The following NECTIN2 variants were observed in gnomAD, a reference collection of about 807,000 sequenced individuals.
NECTIN2 encodes the protein nectin cell adhesion molecule 2.
In NECTIN2, 23 loss-of-function variants were observed where a neutral mutation model predicts 56.9. That is an observed-to-expected ratio of 0.40 (90% CI 0.29 to 0.57). The LOEUF (loss-of-function observed/expected upper bound fraction) is 0.57. Ranked by LOEUF, NECTIN2 falls within the 20% of genes least tolerant of loss-of-function variation. The probability of loss-of-function intolerance (pLI) is 0.38; values close to 1 mark genes in which losing one functional copy is unlikely to be tolerated. For missense variants in NECTIN2, 587 were observed against 718.3 expected, an observed-to-expected ratio of 0.82 and a Z score of 2.09; for synonymous variants, 302 against 313.8, an observed-to-expected ratio of 0.96 and a Z score of 0.40.
At chr19:44,859,046 G>A (rs1364863265) in intron 1 of NECTIN2, among the ~76,000 whole-genome samples, 3 of 152,152 alleles carry the variant, frequency 2.0e-5, no homozygotes, top group African/African-American at 4.8e-5. Context: ...GCCTTCCACC[G>A]GGGACCCCTC....
chr19:44,884,426 A>G (rs1000829473), intron 6 of NECTIN2, among the ~76,000 whole-genome samples: 2 of 152,134 alleles, frequency 1.3e-5, no homozygotes, highest in Non-Finnish European at 2.9e-5. Flanking sequence ...AAGTGCTCGG[A>G]TTACAGGCGT....
At chr19:44,863,612 G>T (rs527575979) in intron 1 of NECTIN2, among the ~76,000 whole-genome samples, 98 of 151,860 alleles carry the variant, frequency 6.5e-4, no homozygotes, top group African/African-American at 2.4e-3. Context: ...TAGGGCCAAG[G>T]GGGGAGCTGA....
intron 1 of NECTIN2, among the ~76,000 whole-genome samples, chr19:44,848,586 G>C (rs1968863932): frequency 6.6e-6 from 1 of 151,968 alleles, no homozygotes; most frequent in Non-Finnish European, 1.5e-5. Context: ...AGGAGCTGTC[G>C]GCCCCTTTCT....
In NECTIN2 at chr19:44,846,573, G is replaced by T; in HGVS notation, c.48G>T (p.Pro16=). 6.6e-7 allele frequency: 1 copy of T among 1,523,766 alleles called. No homozygotes were observed. The highest frequency in any genetic ancestry group is 8.8e-7 in the Non-Finnish European group (1 of 1,142,286). The allele number at this position is 1,523,766 out of a possible 1,614,324, so 94.4% of individuals were successfully genotyped here. A position where few individuals can be genotyped will look rare whatever the true frequency, so the allele number is the denominator to read the frequency against. The change falls in exon 1 of 9, where the codon CCG becomes CCT. Residue 16 remains proline (P), a synonymous_variant. Coordinates refer to ENST00000252483, the MANE Select transcript of NECTIN2 (RefSeq NM_001042724.2). The part of the protein sequence containing the change: ...ALLPSRSPPT[P]LLWPLLLLLL... Reference sequence around the variant, plus strand: ...TGCCGTCGAGATCGCCGCCGACGCCGCTGCTGTGGCCGCTGCTGCTGCTGC... The same window carrying T: ...TGCCGTCGAGATCGCCGCCGACGCCTCTGCTGTGGCCGCTGCTGCTGCTGC...
In NECTIN2 at chr19:44,874,810, A is replaced by G. The variant is rs1255417565; in HGVS notation, c.1042+332A>G. 1 of 249,032 alleles carries G rather than the reference A, an allele frequency of 4.0e-6. No individual in the cohort carries two copies. Among genetic ancestry groups the G allele is most frequent in the Non-Finnish European group, 8.1e-6 (1 of 124,032 alleles). 15.4% of individuals were successfully genotyped at this position (249,032 alleles called of 1,614,324 possible). Reference sequence around the variant, plus strand: ...CAGCTCCTGAGAAAGACGCACACCTAGAGTCAGGCATGCAAACTTCAAAGA... The same window carrying G: ...CAGCTCCTGAGAAAGACGCACACCTGGAGTCAGGCATGCAAACTTCAAAGA... On this transcript the variant is annotated intron_variant, in intron 5 of 8. Coordinates refer to ENST00000252483, the MANE Select transcript of NECTIN2 (RefSeq NM_001042724.2). The surrounding 1 kb of genome is among the most constrained non-coding windows in gnomAD (Gnocchi z 6.3).
Position 44,874,694 on chromosome 19 carries a change from TG to T in NECTIN2, c.1042+222del, listed in dbSNP as rs1378709120. 5 of 584,266 alleles carry T rather than the reference TG, an allele frequency of 8.6e-6. No homozygotes were observed. The highest frequency in any genetic ancestry group is 1.2e-5 in the Non-Finnish European group (4 of 332,164). 36.2% of individuals were successfully genotyped at this position (584,266 alleles called of 1,614,324 possible). ...TCGGGGTAGGTGAAGGCAGCAGAGT[TG>T]GGGGGTTGAGGACTTTGCTCGGGGT... On this transcript the variant is annotated intron_variant, in intron 5 of 8. Transcript: ENST00000252483. This position sits in a 1 kb window ranked among gnomAD's most constrained non-coding sequence, Gnocchi z 6.3.
intron 1 of NECTIN2, among the ~76,000 whole-genome samples, chr19:44,855,192 G>A (rs1007699376): frequency 2.7e-5 from 4 of 148,694 alleles, no homozygotes; most frequent in South Asian, 2.1e-4. Flanking sequence ...TTGGGAGGCC[G>A]AGGCGGGCAG....
chr19:44,880,445 CTCGCTTCTCGA>C (rs1969295267), intron 5 of NECTIN2, among the ~76,000 whole-genome samples: 1 of 142,896 alleles, frequency 7.0e-6, no homozygotes, highest in African/African-American at 2.6e-5. Context: ...AAACAGGCTT[CTCGCTTCTCGA>C]CCCCTTTTCC....
At chr19:44,877,713 G>T (rs11668861) in intron 5 of NECTIN2, among the ~76,000 whole-genome samples, 73,803 of 152,064 alleles carry the variant, frequency 0.49, 18,467 homozygotes, top group East Asian at 0.76. Context: ...GCTTTGTGAG[G>T]ACCCCACAGC....
intron 1 of NECTIN2, among the ~76,000 whole-genome samples, chr19:44,857,705 GT>G (rs752045466): frequency 5.8e-4 from 69 of 118,586 alleles, no homozygotes; most frequent in South Asian, 1.7e-3. Context: ...CCGGGTTTTT[GT>G]TTTTGTTTTT....
intron 1 of NECTIN2, among the ~76,000 whole-genome samples, chr19:44,856,072 A>T (rs1252734362): frequency 6.6e-6 from 1 of 152,148 alleles, no homozygotes; most frequent in East Asian, 1.9e-4. Flanking sequence ...AGGCTAAGGT[A>T]GGCAGATCAC....
At chr19:44,870,886 C>T (rs1339874849) in intron 2 of NECTIN2, among the ~76,000 whole-genome samples, 3 of 152,096 alleles carry the variant, frequency 2.0e-5, no homozygotes, top group Non-Finnish European at 2.9e-5. Context: ...CCTGCCACCA[C>T]GCCCAGCTAA....
chr19:44,869,596 A>G lies in NECTIN2; in HGVS notation c.479-2257A>G, dbSNP rs572791312. Among the ~76,000 whole-genome samples, 26 of 148,430 alleles carry G rather than the reference A, an allele frequency of 1.8e-4. No homozygotes were observed. In the South Asian group the frequency reaches 5.5e-3, roughly 31 times the overall value. On this transcript the variant is annotated intron_variant, in intron 2 of 8. Transcript: ENST00000252483. ...CGACAGAGCGAGACTCCATCTCAAAAAAAAAAAAAAAAAGAAAAGAAAATA... is the reference window on the plus strand; with the variant it reads ...CGACAGAGCGAGACTCCATCTCAAAGAAAAAAAAAAAAAGAAAAGAAAATA...
chr19:44,878,291 G>A (rs1969264639), intron 5 of NECTIN2: 1 of 1,343,202 alleles, frequency 7.4e-7, no homozygotes, highest in Non-Finnish European at 1.0e-6. Flanking sequence ...GACACTGCTG[G>A]TGCTGCTGCT....
intron 2 of NECTIN2, among the ~76,000 whole-genome samples, chr19:44,868,633 G>A (rs1280061222): frequency 6.6e-6 from 1 of 151,858 alleles, no homozygotes. Context: ...AAATCTTGAG[G>A]CTGGGCGTGG....
intron 1 of NECTIN2, among the ~76,000 whole-genome samples, chr19:44,851,038 C>T (rs1968893360): frequency 6.6e-6 from 1 of 152,034 alleles, no homozygotes; most frequent in Non-Finnish European, 1.5e-5. Flanking sequence ...CCGCCTCCCT[C>T]AGACCCAGAA....
At chr19:44,871,707 A>G (rs1174147129) in intron 2 of NECTIN2, 146 bp from the exon 3 acceptor site, 2 of 881,444 alleles carry the variant, frequency 2.3e-6, no homozygotes, top group Non-Finnish European at 3.4e-6. Flanking sequence ...TTGCAAAACC[A>G]CTTATCCCAA....
At position 44,852,451 on chromosome 19, in the gene NECTIN2, A is replaced by G. The variant is rs1968910661; in HGVS notation, c.88+5838A>G. ...GTTTTTTTTGTTTTTTTTTTGAGAC[A>G]TGGTAGCCACCACCTGTAATCCCAG... On this transcript the variant is annotated intron_variant, in intron 1 of 8. Coordinates refer to ENST00000252483, the MANE Select transcript of NECTIN2 (RefSeq NM_001042724.2). 2.1e-5 allele frequency among the ~76,000 whole-genome samples: 3 copies of G among 144,492 alleles called. No homozygotes were observed. In the South Asian group the frequency reaches 6.5e-4, roughly 31 times the overall value. 94.8% of individuals were successfully genotyped at this position (144,492 alleles called of 152,430 possible). A position where few individuals can be genotyped will look rare whatever the true frequency, so the allele number is the denominator to read the frequency against.
At chr19:44,857,791 C>T (rs1233216387) in intron 1 of NECTIN2, among the ~76,000 whole-genome samples, 1 of 151,588 alleles carries the variant, frequency 6.6e-6, no homozygotes. Context: ...GATCCTCCAC[C>T]CACTTCGGCC....
Sources: gnomAD v4.1 joint callset for allele counts (sites outside exome capture counted in the v4.1 genomes callset) on GRCh38, gnomAD v4.1.1 for gene constraint, Gnocchi (gnomAD v3.1) non-coding constraint, MANE v1.5 for transcripts, NCBI Gene and HGNC (gene_info 2026-07-23, HGNC 2026-07-21) for gene names.